The following CPSF7 variants were observed in gnomAD, a reference collection of about 807,000 sequenced individuals.
The protein encoded by CPSF7 is cleavage and polyadenylation specificity factor subunit 7.
CPSF7 carries 1 observed loss-of-function variant against 44.3 expected under a neutral mutation model. The observed-to-expected ratio is 0.02, with a 90% CI of 0.01 to 0.11. The LOEUF is 0.11. Among genes scored for constraint, CPSF7 ranks in the 10% least tolerant of loss-of-function variants. The probability of loss-of-function intolerance (pLI) is 1.00; values close to 1 mark genes in which losing one functional copy is unlikely to be tolerated. For synonymous variants in CPSF7, 202 were observed against 222.0 expected, an observed-to-expected ratio of 0.91 and a Z score of 0.80; for missense variants, 443 against 607.2, an observed-to-expected ratio of 0.73 and a Z score of 2.84.
intron 2 of CPSF7, among the ~76,000 whole-genome samples, chr11:61,423,950 A>C (rs1861127477): frequency 6.6e-6 from 1 of 152,228 alleles, no homozygotes; most frequent in Admixed American, 6.5e-5. Flanking sequence ...CTACTTCCTA[A>C]AGCATATAAA....
intron 7 of CPSF7, 54 bp from the exon 8 acceptor site, chr11:61,411,991 TG>T: frequency 6.5e-7 from 1 of 1,527,406 alleles, no homozygotes; most frequent in Non-Finnish European, 9.0e-7. Context: ...GTAAACTAAC[TG>T]GACCAAAAGG....
At chr11:61,421,750 GA>G in intron 2 of CPSF7, 142 bp from the exon 3 acceptor site, 1 of 625,072 alleles carries the variant, frequency 1.6e-6, no homozygotes, top group Non-Finnish European at 2.8e-6. Flanking sequence ...AACAAAGTAA[GA>G]AAAACCTCCT....
intron 9 of CPSF7, among the ~76,000 whole-genome samples, chr11:61,406,780 T>C (rs1565097497): frequency 6.6e-6 from 1 of 152,214 alleles, no homozygotes; most frequent in Non-Finnish European, 1.5e-5. Flanking sequence ...TCTTGCTCTA[T>C]TGCCCAGGCT....
At chr11:61,418,682 C>T (rs967025511) in intron 5 of CPSF7, among the ~76,000 whole-genome samples, 4 of 151,880 alleles carry the variant, frequency 2.6e-5, no homozygotes, top group African/African-American at 7.3e-5. Context: ...ATTGGGGAAA[C>T]TGTCCTCAAA....
rs1014427193 is a variant in CPSF7 at position 61,402,882 on chromosome 11, G to C, written c.*1828C>G. ...AAATAAAACTAAAAATGGTGTCATT[G>C]AGTAAAAACAAAACAAATGGGGAGA... is the stretch of plus-strand genomic sequence containing the variant. On this transcript the variant is annotated 3_prime_UTR_variant, in exon 10 of 10. Transcript: ENST00000439958. 1 of 152,426 alleles carries C rather than the reference G, an allele frequency of 6.6e-6. No homozygotes were observed. Among genetic ancestry groups the C allele is most frequent in the Admixed American group, 6.6e-5 (1 of 15,254 alleles). The allele number at this position is 152,426 out of a possible 1,614,324, so 9.4% of individuals were successfully genotyped here.
intron 2 of CPSF7, among the ~76,000 whole-genome samples, chr11:61,424,826 G>A (rs978665770): frequency 1.3e-5 from 2 of 152,044 alleles, no homozygotes; most frequent in Admixed American, 6.6e-5. Context: ...TTGGATAATC[G>A]AATGGAACCA....
chr11:61,413,726 G>A (rs1860062825), intron 7 of CPSF7, among the ~76,000 whole-genome samples: 1 of 152,090 alleles, frequency 6.6e-6, no homozygotes, highest in Non-Finnish European at 1.5e-5. Flanking sequence ...TAGTGGTCAT[G>A]GGGCGGGTAC....
In CPSF7 at chr11:61,429,974, C is replaced by T. The variant is rs371286714; in HGVS notation, c.-116G>A. The T allele has an allele frequency of 3.2e-6, 4 of 1,241,168 alleles. No homozygotes were observed. Among genetic ancestry groups the T allele is most frequent in the East Asian group, 5.6e-5 (2 of 35,920 alleles). 76.9% of individuals were successfully genotyped at this position (1,241,168 alleles called of 1,614,324 possible). On this transcript the variant is annotated 5_prime_UTR_variant, in exon 1 of 10. Coordinates refer to ENST00000439958, the MANE Select transcript of CPSF7 (RefSeq NM_001142565.3). ...AGGCCCGAAGCGCGCGAACCGCTCT[C>T]CGCCCCAGGTCCCGCCCCCCCCGCC...
intron 8 of CPSF7, among the ~76,000 whole-genome samples, chr11:61,411,535 CTGT>C (rs1859847387): frequency 2.0e-5 from 3 of 152,148 alleles, no homozygotes; most frequent in Non-Finnish European, 2.9e-5. Flanking sequence ...TTAAAAATAT[CTGT>C]CTGTATTTTT....
At chr11:61,408,569 T>A (rs1218884625) in intron 9 of CPSF7, among the ~76,000 whole-genome samples, 1 of 152,226 alleles carries the variant, frequency 6.6e-6, no homozygotes, top group Admixed American at 6.5e-5. Context: ...TGGCCTATTT[T>A]AAAGATTTCC....
chr11:61,421,699 T>C, intron 2 of CPSF7, 91 bp from the exon 3 acceptor site: 1 of 927,750 alleles, frequency 1.1e-6, no homozygotes, highest in South Asian at 1.6e-5. Context: ...AGTTAAATAC[T>C]TGGTAAAACA....
intron 9 of CPSF7, 93 bp downstream of exon 9, chr11:61,410,844 CA>C (rs1378628608): frequency 1.3e-5 from 17 of 1,304,348 alleles, no homozygotes; most frequent in Non-Finnish European, 1.6e-5. Flanking sequence ...ACCCTTGCTG[CA>C]TTTACTTTTG....
chr11:61,410,634 GA>G, intron 9 of CPSF7: 1 of 224,740 alleles, frequency 4.4e-6, no homozygotes, highest in Non-Finnish European at 8.7e-6. Flanking sequence ...CTGTGGAACA[GA>G]AAGTAATATG....
chr11:61,408,493 A>G (rs1859536013), intron 9 of CPSF7, among the ~76,000 whole-genome samples: 1 of 152,226 alleles, frequency 6.6e-6, no homozygotes, highest in Admixed American at 6.5e-5. Flanking sequence ...AAATTAAGAA[A>G]GGACCCTGAA....
intron 2 of CPSF7, among the ~76,000 whole-genome samples, chr11:61,426,168 T>C (rs1220422025): frequency 1.3e-5 from 2 of 152,218 alleles, no homozygotes; most frequent in Non-Finnish European, 2.9e-5. Context: ...GGAAAAATAT[T>C]AATTTTCCTT....
chr11:61,425,178 C>T (rs1428691456), intron 2 of CPSF7, among the ~76,000 whole-genome samples: 2 of 152,340 alleles, frequency 1.3e-5, no homozygotes, highest in South Asian at 2.1e-4. Context: ...GGGAACTGCA[C>T]AGGGCAGGTC....
intron 9 of CPSF7, among the ~76,000 whole-genome samples, chr11:61,407,495 C>A (rs1859431798): frequency 6.6e-6 from 1 of 152,212 alleles, no homozygotes; most frequent in African/African-American, 2.4e-5. Flanking sequence ...TTTGTGGTCT[C>A]CATCTACAAT....
At chr11:61,407,216 G>C (rs1388893685) in intron 9 of CPSF7, among the ~76,000 whole-genome samples, 5 of 152,184 alleles carry the variant, frequency 3.3e-5, no homozygotes, top group African/African-American at 9.7e-5. Flanking sequence ...ATCAGGAATG[G>C]TGACATGCAT....
Position 61,411,977 on chromosome 11 carries a change from G to C in CPSF7, c.1058-40C>G, listed in dbSNP as rs373844577. 4.3e-4 allele frequency: 682 copies of C among 1,577,804 alleles called. 8 individuals carry two copies. The South Asian group carries it at 7.0e-3, about 16-fold the overall frequency. ...AGGAGAAAGGCCAAGGGTGAGGAGA[G>C]ATGGTAAACTAACTGGACCAAAAGG... On this transcript the variant is annotated intron_variant, in intron 7 of 9. Coordinates refer to ENST00000439958, the MANE Select transcript of CPSF7 (RefSeq NM_001142565.3).
Sources: gnomAD v4.1 joint callset for allele counts (sites outside exome capture counted in the v4.1 genomes callset) on GRCh38, gnomAD v4.1.1 for gene constraint, MANE v1.5 for transcripts, NCBI Gene and HGNC (gene_info 2026-07-23, HGNC 2026-07-21) for gene names.